The following KPNA1 variants were observed in gnomAD, a reference collection of about 807,000 sequenced individuals.
KPNA1 encodes the protein karyopherin subunit alpha 1, also known as importin subunit alpha-5.
In KPNA1, 10 loss-of-function variants were observed where a neutral mutation model predicts 70.5. The observed-to-expected ratio is 0.14, with a 90% CI of 0.09 to 0.24. The LOEUF (loss-of-function observed/expected upper bound fraction) is 0.24. Among genes scored for constraint, KPNA1 ranks in the 10% least tolerant of loss-of-function variants. The pLI, the probability that KPNA1 is intolerant of heterozygous loss-of-function variation, is 1.00. For missense variants in KPNA1, 397 were observed against 637.9 expected (o/e 0.62, Z 4.07); for synonymous variants, 192 against 221.9 (o/e 0.87, Z 1.20).
In KPNA1 at chr3:122,422,227, C is replaced by A. The variant is rs2107707959; in HGVS notation, c.*4758G>T. ...TGTTAAATTCGCATCCATGGCACTG[C>A]TTCCTGAGGCAGTAATTCTTCAAAG... On this transcript the variant is annotated 3_prime_UTR_variant, in exon 14 of 14. Coordinates refer to ENST00000344337, the MANE Select transcript of KPNA1 (RefSeq NM_002264.4). The A allele has an allele frequency of 6.6e-6, 1 of 151,970 alleles. No homozygotes were observed. Among genetic ancestry groups the A allele is most frequent in the Admixed American group, 6.6e-5 (1 of 15,232 alleles). 9.4% of individuals were successfully genotyped at this position (151,970 alleles called of 1,614,324 possible). A position where few individuals can be genotyped will look rare whatever the true frequency, so the allele number is the denominator to read the frequency against.
intron 2 of KPNA1, among the ~76,000 whole-genome samples, chr3:122,473,280 T>C (rs981648781): frequency 7.2e-5 from 11 of 152,166 alleles, no homozygotes; most frequent in Non-Finnish European, 1.6e-4. Context: ...GGTTTGCTGG[T>C]GAATTTTATA....
chr3:122,479,637 G>C (rs989689293), intron 2 of KPNA1, among the ~76,000 whole-genome samples: 7 of 152,100 alleles, frequency 4.6e-5, no homozygotes, highest in African/African-American at 1.7e-4. Context: ...GTAGGCGCCT[G>C]TAATCCCAGC....
intron 2 of KPNA1, among the ~76,000 whole-genome samples, chr3:122,473,818 C>T (rs1320626961): frequency 1.3e-5 from 2 of 152,184 alleles, no homozygotes; most frequent in African/African-American, 4.8e-5. Flanking sequence ...TTTCCTCTCA[C>T]TACTCCTTTT....
intron 2 of KPNA1, among the ~76,000 whole-genome samples, 162 bp downstream of exon 2, chr3:122,496,275 T>C (rs985806910): frequency 1.4e-5 from 2 of 145,572 alleles, no homozygotes; most frequent in African/African-American, 5.1e-5. Context: ...TACCTCCTCA[T>C]CCCCACTCCA....
At chr3:122,433,039 A>G (rs2075933670) in intron 12 of KPNA1, 1 of 152,648 alleles carries the variant, frequency 6.6e-6, no homozygotes, top group African/African-American at 2.4e-5. Context: ...CGACAGTGCC[A>G]CTGCACTCCA....
intron 3 of KPNA1, among the ~76,000 whole-genome samples, chr3:122,466,972 A>C (rs752353189): frequency 1.3e-5 from 2 of 151,704 alleles, no homozygotes; most frequent in Non-Finnish European, 2.9e-5. Flanking sequence ...CTGCACTCCA[A>C]CCTGGGCAAC....
At chr3:122,466,455 C>T (rs1271185638) in intron 3 of KPNA1, among the ~76,000 whole-genome samples, 3 of 151,314 alleles carry the variant, frequency 2.0e-5, no homozygotes, top group Non-Finnish European at 2.9e-5. Flanking sequence ...TTTAAAAAAA[C>T]TGTGTGTGTG....
chr3:122,457,935 A>T (rs2076282446), intron 5 of KPNA1: 1 of 1,153,506 alleles, frequency 8.7e-7, no homozygotes, highest in Admixed American at 3.3e-5. Context: ...GAGTCATCTG[A>T]GCAACTTTCC....
intron 2 of KPNA1, among the ~76,000 whole-genome samples, chr3:122,490,769 G>A (rs950399598): frequency 3.3e-5 from 5 of 152,072 alleles, no homozygotes; most frequent in African/African-American, 1.2e-4. Flanking sequence ...CAGAGCTGGT[G>A]TTTTGTTTTA....
intron 9 of KPNA1, among the ~76,000 whole-genome samples, chr3:122,446,341 T>A (rs564060815): frequency 6.6e-6 from 1 of 152,282 alleles, no homozygotes; most frequent in South Asian, 2.1e-4. Context: ...CAGAGTGCAA[T>A]CAAATTAGAA....
intron 2 of KPNA1, among the ~76,000 whole-genome samples, chr3:122,482,656 TAGG>T (rs747558461): frequency 1.3e-5 from 2 of 152,192 alleles, no homozygotes; most frequent in African/African-American, 2.4e-5. Flanking sequence ...CAGCAAGCTT[TAGG>T]AGATCAATAT....
At chr3:122,513,923 C>T (rs1209818598) in intron 1 of KPNA1, among the ~76,000 whole-genome samples, 1 of 152,230 alleles carries the variant, frequency 6.6e-6, no homozygotes, top group Non-Finnish European at 1.5e-5. Flanking sequence ...AAAAACTCGG[C>T]AATCGTTTGT....
chr3:122,437,431 A>G (rs2076003905), intron 10 of KPNA1, 136 bp from the exon 11 acceptor site: 1 of 595,830 alleles, frequency 1.7e-6, no homozygotes, highest in African/African-American at 1.9e-5. Context: ...ACAGGTAAAA[A>G]AAAGTATTCA....
chr3:122,486,067 G>C (rs2076625865), intron 2 of KPNA1, among the ~76,000 whole-genome samples: 1 of 152,134 alleles, frequency 6.6e-6, no homozygotes, highest in Admixed American at 6.6e-5. Context: ...TTGGCAAACA[G>C]TTGACAGCTC....
chr3:122,489,374 C>T (rs2076671358), intron 2 of KPNA1, among the ~76,000 whole-genome samples: 1 of 151,862 alleles, frequency 6.6e-6, no homozygotes, highest in South Asian at 2.1e-4. Context: ...AATGAAGCCT[C>T]AAACTCCTGG....
Position 122,424,490 on chromosome 3 carries a change from G to GAAAAAA in KPNA1, c.*2489_*2494dup, listed in dbSNP as rs538135958. 1 of 150,852 alleles carries GAAAAAA rather than the reference G, an allele frequency of 6.6e-6. No individual in the cohort carries two copies. The allele number at this position is 150,852 out of a possible 1,614,324, so 9.3% of individuals were successfully genotyped here. On this transcript the variant is annotated 3_prime_UTR_variant, in exon 14 of 14. Transcript: ENST00000344337. ...AAAAAATCATTTTATTGTTAAAAAAGAAAAAAAAACTTAGATCTTATAGTT... is the reference window on the plus strand; with the variant it reads ...AAAAAATCATTTTATTGTTAAAAAAGAAAAAAAAAAAAAAACTTAGATCTTATAGTT...
chr3:122,478,345 C>T (rs1470519515), intron 2 of KPNA1, among the ~76,000 whole-genome samples: 3 of 151,862 alleles, frequency 2.0e-5, no homozygotes, highest in East Asian at 1.9e-4. Flanking sequence ...AACTAGGCCA[C>T]GCGCATTGGC....
chr3:122,502,099 A>C (rs1448139066), intron 1 of KPNA1, among the ~76,000 whole-genome samples: 1 of 152,222 alleles, frequency 6.6e-6, no homozygotes, highest in Non-Finnish European at 1.5e-5. Context: ...GGATCTCTTA[A>C]CAAACCTTTA....
chr3:122,445,325 TG>T (rs1198040607), intron 9 of KPNA1, among the ~76,000 whole-genome samples: 2 of 152,066 alleles, frequency 1.3e-5, no homozygotes, highest in Non-Finnish European at 2.9e-5. Flanking sequence ...ATCAAATTAA[TG>T]AAATAAAGTG....
Sources: gnomAD v4.1 joint callset for allele counts (sites outside exome capture counted in the v4.1 genomes callset) on GRCh38, gnomAD v4.1.1 for gene constraint, MANE v1.5 for transcripts, NCBI Gene and HGNC (gene_info 2026-07-23, HGNC 2026-07-21) for gene names.